The following NPIPB2 variants were observed in gnomAD, a reference collection of about 807,000 sequenced individuals.
NPIPB2 encodes nuclear pore complex interacting protein family member B2, also known as nuclear pore complex-interacting protein family member B2.
Under a neutral mutation model 30.8 loss-of-function variants are expected in NPIPB2, and 27 were observed. The ratio of observed to expected loss-of-function variants is 0.88; its 90% CI spans 0.65 to 1.21. NPIPB2 has a LOEUF of 1.21. Ranked by LOEUF, NPIPB2 falls within the 50% of genes most tolerant of loss-of-function variation. The probability of loss-of-function intolerance (pLI) is 0.00; values close to 1 mark genes in which losing one functional copy is unlikely to be tolerated. For synonymous variants in NPIPB2, 147 were observed against 162.0 expected (o/e 0.91, Z 0.70); for missense variants, 440 against 446.2 (o/e 0.99, Z 0.13).
chr16:11,972,081 G>C lies in NPIPB2; in HGVS notation c.-584+4487C>G, dbSNP rs150386879. On this transcript the variant is annotated intron_variant, in intron 1 of 5. Transcript: ENST00000538896. ...GGATCACTTGAACCTGGGAGACAGA[G>C]GTTGCAGTGAGCTGAGATCACGCTA... is the stretch of plus-strand genomic sequence containing the variant. 2.1e-3 allele frequency among the ~76,000 whole-genome samples: 316 copies of C among 152,174 alleles called. 3 individuals are homozygous for C. The highest frequency in any genetic ancestry group is 7.2e-3 in the African/African-American group (301 of 41,544).
upstream of NPIPB2, among the ~76,000 whole-genome samples, chr16:11,943,813 A>G (rs897301800): frequency 5.3e-5 from 8 of 150,832 alleles, no homozygotes; most frequent in East Asian, 4.0e-4. Flanking sequence ...CCTGGCTAAC[A>G]TGGTGAAACC....
intron 1 of NPIPB2, among the ~76,000 whole-genome samples, chr16:11,969,604 G>C (rs1257489456): frequency 6.6e-6 from 1 of 152,144 alleles, no homozygotes; most frequent in Non-Finnish European, 1.5e-5. Context: ...TCTGCAAACA[G>C]GAGAAGCCTA....
intron 2 of NPIPB2, among the ~76,000 whole-genome samples, chr16:11,937,292 C>T (rs1449451776): frequency 2.0e-5 from 3 of 152,118 alleles, no homozygotes; most frequent in African/African-American, 4.8e-5. Flanking sequence ...ACAAATAGCA[C>T]AAAGGTTAAA....
At chr16:11,949,694 G>T (rs1860769925) in intron 1 of NPIPB2, among the ~76,000 whole-genome samples, 1 of 152,228 alleles carries the variant, frequency 6.6e-6, no homozygotes, top group South Asian at 2.1e-4. Flanking sequence ...ACCTGAGCCA[G>T]CCTCTCAGAG....
intron 1 of NPIPB2, chr16:11,968,040 T>C (rs1318203109): frequency 3.2e-6 from 2 of 624,872 alleles, no homozygotes; most frequent in Non-Finnish European, 5.2e-6. Flanking sequence ...ACTTCCTTGG[T>C]TTCATGATTA....
At chr16:11,934,226 T>TCACACACACACACACACA (rs766087820) in intron 2 of NPIPB2, among the ~76,000 whole-genome samples, 77 of 121,704 alleles carry the variant, frequency 6.3e-4, no homozygotes, top group African/African-American at 2.5e-3. Context: ...TGAGACTCTG[T>TCACACACACACACACACA]CACACACACA....
chr16:11,938,268 A>G (rs368151771), intron 1 of NPIPB2, among the ~76,000 whole-genome samples: 1 of 152,156 alleles, frequency 6.6e-6, no homozygotes, highest in African/African-American at 2.4e-5. Flanking sequence ...TGCCTGCCTC[A>G]GCCTCCCAAA....
At chr16:11,966,353 G>C (rs1292746571) in intron 1 of NPIPB2, 2 of 1,602,938 alleles carry the variant, frequency 1.2e-6, no homozygotes, top group African/African-American at 2.7e-5. Flanking sequence ...TTGGTTTGAT[G>C]GTGAATCTTT....
intron 1 of NPIPB2, among the ~76,000 whole-genome samples, chr16:11,962,631 C>CAAAAA (rs910336057): frequency 4.3e-5 from 5 of 117,492 alleles, no homozygotes; most frequent in Non-Finnish European, 9.3e-5. Flanking sequence ...AAAAAAAAAC[C>CAAAAA]AAAAAAAAAG....
chr16:11,943,288 C>T (rs1034281298), upstream of NPIPB2, among the ~76,000 whole-genome samples: 1 of 152,222 alleles, frequency 6.6e-6, no homozygotes, highest in African/African-American at 2.4e-5. Context: ...CACTGCACTC[C>T]AGCCTAGGCG....
At chr16:11,969,122 C>A (rs532805978) in intron 1 of NPIPB2, among the ~76,000 whole-genome samples, 19 of 152,076 alleles carry the variant, frequency 1.2e-4, no homozygotes, top group Non-Finnish European at 2.4e-4. Flanking sequence ...CTGCCTTGGC[C>A]TCCCAAAGTG....
chr16:11,964,830 C>T (rs958357047), intron 1 of NPIPB2, among the ~76,000 whole-genome samples: 3 of 152,204 alleles, frequency 2.0e-5, no homozygotes, highest in Non-Finnish European at 2.9e-5. Context: ...TCCCAAAGTC[C>T]TGGGATTACA....
chr16:11,970,856 G>A (rs560937037), intron 1 of NPIPB2, among the ~76,000 whole-genome samples: 4 of 128,538 alleles, frequency 3.1e-5, no homozygotes, highest in South Asian at 2.7e-4. Flanking sequence ...TTTCTTACTC[G>A]TTTCTTTTTT....
intron 1 of NPIPB2, among the ~76,000 whole-genome samples, chr16:11,948,372 C>A (rs1386166387): frequency 4.6e-5 from 7 of 152,120 alleles, no homozygotes; most frequent in Non-Finnish European, 8.8e-5. Context: ...ACGCTCAACA[C>A]CATTTTTGAA....
intron 1 of NPIPB2, among the ~76,000 whole-genome samples, chr16:11,940,742 A>G (rs2054926859): frequency 1.5e-5 from 2 of 132,804 alleles, no homozygotes; most frequent in African/African-American, 5.6e-5. Flanking sequence ...CCTGGGCGAC[A>G]GAGTGAGACT....
At chr16:11,950,644 C>G (rs2055053479) in intron 1 of NPIPB2, among the ~76,000 whole-genome samples, 1 of 152,146 alleles carries the variant, frequency 6.6e-6, no homozygotes. Flanking sequence ...GTTTCCAAGC[C>G]TGGCTGTGAA....
At chr16:11,959,024 G>A (rs1286833961) in intron 1 of NPIPB2, among the ~76,000 whole-genome samples, 2 of 152,202 alleles carry the variant, frequency 1.3e-5, no homozygotes, top group Non-Finnish European at 1.5e-5. Flanking sequence ...GCCCCTGTAT[G>A]GCTCTTGCCT....
chr16:11,965,202 C>A (rs2055183890), intron 1 of NPIPB2: 2 of 1,317,926 alleles, frequency 1.5e-6, no homozygotes, highest in East Asian at 2.3e-5. Flanking sequence ...ACGAAGCAGG[C>A]GAAGTTCATT....
At chr16:11,972,079 G>C (rs1567481467) in intron 1 of NPIPB2, among the ~76,000 whole-genome samples, 2 of 152,066 alleles carry the variant, frequency 1.3e-5, no homozygotes, top group Non-Finnish European at 2.9e-5. Flanking sequence ...CTGGGAGACA[G>C]AGGTTGCAGT....
Sources: gnomAD v4.1 joint callset for allele counts (sites outside exome capture counted in the v4.1 genomes callset) on GRCh38, gnomAD v4.1.1 for gene constraint, MANE v1.5 for transcripts, NCBI Gene and HGNC (gene_info 2026-07-23, HGNC 2026-07-21) for gene names.